The following GPC6 variants were observed in gnomAD, a reference collection of about 807,000 sequenced individuals.
The protein encoded by GPC6 is glypican 6.
In GPC6, 14 loss-of-function variants were observed where a neutral mutation model predicts 55.2. The ratio of observed to expected loss-of-function variants is 0.25; its 90% confidence interval spans 0.17 to 0.40. The LOEUF is 0.40. Ranked by LOEUF, GPC6 falls within the 10% of genes least tolerant of loss-of-function variation. GPC6 has a pLI of 1.00. For missense variants in GPC6, 641 were observed against 708.5 expected, an observed-to-expected ratio of 0.90 and a Z score of 1.08; for synonymous variants, 278 against 259.6, an observed-to-expected ratio of 1.07 and a Z score of -0.68.
intron 4 of GPC6, among the ~76,000 whole-genome samples, chr13:94,122,307 T>A (rs1365525013): frequency 1.3e-5 from 2 of 152,104 alleles, no homozygotes; most frequent in East Asian, 3.9e-4. Flanking sequence ...TGACTTCATT[T>A]TATGGAGCAG....
chr13:93,980,215 A>G lies in GPC6; in HGVS notation c.712-47514A>G, dbSNP rs79442184. ...AATGGGTTGTCACATGATGAATTTA[A>G]AAGAAAATCAATGCAAACAAGGTAT... On this transcript the variant is annotated intron_variant, in intron 3 of 8. Coordinates refer to ENST00000377047, the MANE Select transcript of GPC6 (RefSeq NM_005708.5). Among the ~76,000 whole-genome samples the G allele has an allele frequency of 4.1e-3, 620 of 152,288 alleles. 8 individuals are homozygous for G. The highest frequency in any genetic ancestry group is 0.014 in the African/African-American group (590 of 41,566).
chr13:93,624,053 A>G (rs1399880583), intron 2 of GPC6, among the ~76,000 whole-genome samples: 1 of 152,038 alleles, frequency 6.6e-6, no homozygotes, highest in Non-Finnish European at 1.5e-5. Flanking sequence ...TATTAATATT[A>G]TAAGAAATAC....
chr13:93,350,313 A>T (rs1880588460), intron 1 of GPC6, among the ~76,000 whole-genome samples: 1 of 152,100 alleles, frequency 6.6e-6, no homozygotes, highest in Admixed American at 6.5e-5. Context: ...CGGGTGCTTT[A>T]GTCCCAGCTA....
At chr13:94,030,033 T>G (rs915795042) in intron 4 of GPC6, among the ~76,000 whole-genome samples, 1 of 151,314 alleles carries the variant, frequency 6.6e-6, no homozygotes, top group Non-Finnish European at 1.5e-5. Flanking sequence ...GAGGGAGTCT[T>G]GCTCTGTCGC....
chr13:94,204,435 T>C (rs888318023), intron 4 of GPC6, among the ~76,000 whole-genome samples: 1 of 152,136 alleles, frequency 6.6e-6, no homozygotes, highest in African/African-American at 2.4e-5. Context: ...GACAACAAAA[T>C]ACATAAATCA....
chr13:94,329,874 T>G lies in GPC6; in HGVS notation c.1152+23751T>G, dbSNP rs577519922. 7.9e-4 allele frequency among the ~76,000 whole-genome samples: 121 copies of G among 152,322 alleles called. 1 individual carries two copies. Among genetic ancestry groups the G allele is most frequent in the South Asian group, 3.3e-3 (16 of 4,816 alleles). On this transcript the variant is annotated intron_variant, in intron 6 of 8. Transcript: ENST00000377047. ...TTACCCTTTCCCATAAACATGACTT[T>G]TTGAACCTCCCAAGAGGCAGAAACG...
At chr13:93,369,886 A>G (rs1239745765) in intron 1 of GPC6, among the ~76,000 whole-genome samples, 2 of 152,124 alleles carry the variant, frequency 1.3e-5, no homozygotes, top group Non-Finnish European at 2.9e-5. Flanking sequence ...TCAAATCATC[A>G]GTTTTTTCCA....
chr13:93,496,190 G>C (rs1880268181), intron 1 of GPC6, among the ~76,000 whole-genome samples: 1 of 152,144 alleles, frequency 6.6e-6, no homozygotes, highest in African/African-American at 2.4e-5. Flanking sequence ...CGTGGGCGTA[G>C]GACCCTCCGA....
intron 2 of GPC6, among the ~76,000 whole-genome samples, chr13:93,789,629 A>G (rs1268514869): frequency 3.2e-5 from 2 of 62,378 alleles, no homozygotes; most frequent in African/African-American, 1.1e-4. Flanking sequence ...ATATATATAT[A>G]TATATATATA....
intron 1 of GPC6, among the ~76,000 whole-genome samples, chr13:93,533,362 C>T (rs1237080137): frequency 2.0e-5 from 3 of 152,172 alleles, no homozygotes; most frequent in African/African-American, 7.2e-5. Flanking sequence ...CTTCCCTCCA[C>T]CTGTTTCCTT....
chr13:93,605,916 T>C (rs1421257404), intron 2 of GPC6, among the ~76,000 whole-genome samples: 2 of 151,716 alleles, frequency 1.3e-5, no homozygotes, highest in Non-Finnish European at 2.9e-5. Flanking sequence ...TGACAAGATA[T>C]TTAACTTTTT....
chr13:94,228,781 T>A, intron 4 of GPC6, among the ~76,000 whole-genome samples: 1 of 140,458 alleles, frequency 7.1e-6, no homozygotes, highest in African/African-American at 2.7e-5. Context: ...CCAATACACA[T>A]ATATCCTCTT....
intron 1 of GPC6, among the ~76,000 whole-genome samples, chr13:93,460,909 G>A (rs1878658237): frequency 6.6e-6 from 1 of 152,052 alleles, no homozygotes; most frequent in Non-Finnish European, 1.5e-5. Flanking sequence ...ATTATTACTG[G>A]TTTTAATATA....
chr13:93,859,935 T>C (rs1888756396), intron 3 of GPC6, among the ~76,000 whole-genome samples: 1 of 151,626 alleles, frequency 6.6e-6, no homozygotes, highest in Non-Finnish European at 1.5e-5. Context: ...ATCTCAACGG[T>C]CCCATCTCAG....
intron 2 of GPC6, among the ~76,000 whole-genome samples, chr13:93,560,766 CAAAA>C (rs34043494): frequency 1.2e-4 from 15 of 125,410 alleles, no homozygotes; most frequent in Admixed American, 2.4e-4. Flanking sequence ...ACTCCGCCTC[CAAAA>C]AAAAAAAAAA....
At chr13:93,343,307 G>A (rs570978612) in intron 1 of GPC6, among the ~76,000 whole-genome samples, 99 of 152,262 alleles carry the variant, frequency 6.5e-4, no homozygotes, top group African/African-American at 2.3e-3. Context: ...TGGATTGGCT[G>A]AGTCCCATAC....
chr13:93,618,592 T>C (rs989698643), intron 2 of GPC6, among the ~76,000 whole-genome samples: 1 of 152,092 alleles, frequency 6.6e-6, no homozygotes, highest in Admixed American at 6.6e-5. Context: ...TAATTACACT[T>C]TGGATGGAAG....
At chr13:93,589,747 C>G (rs548106095) in intron 2 of GPC6, among the ~76,000 whole-genome samples, 27 of 152,284 alleles carry the variant, frequency 1.8e-4, no homozygotes, top group African/African-American at 6.3e-4. Context: ...ACCCTAAAAT[C>G]AAGAAATTCT....
chr13:93,628,224 G>T (rs1050831756), intron 2 of GPC6, among the ~76,000 whole-genome samples: 4 of 152,202 alleles, frequency 2.6e-5, no homozygotes, highest in Non-Finnish European at 4.4e-5. Context: ...GCCTCAGCTT[G>T]CAGACAGTCC....
Sources: allele counts gnomAD v4.1 joint callset (sites outside exome capture counted in the v4.1 genomes callset), GRCh38; gene constraint gnomAD v4.1.1; transcripts MANE v1.5; gene names NCBI Gene and HGNC (gene_info 2026-07-23, HGNC 2026-07-21).